Variants in NEMF observed in about 807,000 individuals in gnomAD.
NEMF encodes nuclear export mediator factor.
In NEMF, 89 loss-of-function variants were observed where a neutral mutation model predicts 162.2. That is an observed-to-expected ratio of 0.55 (90% CI 0.46 to 0.65). The LOEUF is 0.65. Among genes scored for constraint, NEMF ranks in the 30% least tolerant of loss-of-function variants. NEMF has a pLI of 0.00. For synonymous variants in NEMF, 421 were observed against 404.5 expected (o/e 1.04, Z -0.49); for missense variants, 1,133 against 1,261.9 (o/e 0.90, Z 1.55).
At chr14:49,842,036 C>T (rs1381965221) in intron 4 of NEMF, among the ~76,000 whole-genome samples, 1 of 150,516 alleles carries the variant, frequency 6.6e-6, no homozygotes, top group African/African-American at 2.4e-5. Flanking sequence ...ACCTGGGAGG[C>T]GGAGGTTGCT....
chr14:49,830,356 T>G (rs1312735133), intron 11 of NEMF, among the ~76,000 whole-genome samples: 2 of 152,222 alleles, frequency 1.3e-5, no homozygotes, highest in Non-Finnish European at 2.9e-5. Flanking sequence ...AACTAATTTT[T>G]AAAAACTGAA....
intron 26 of NEMF, 116 bp downstream of exon 26, chr14:49,795,675 G>T: frequency 1.1e-6 from 1 of 932,892 alleles, no homozygotes; most frequent in Non-Finnish European, 1.6e-6. Flanking sequence ...TTTAGTCAAA[G>T]GAAATCACAC....
Position 49,827,177 on chromosome 14 carries a change from T to C in NEMF, c.1488+1114A>G, listed in dbSNP as rs182602899. Among the ~76,000 whole-genome samples the C allele has an allele frequency of 3.6e-3, 551 of 152,234 alleles. 3 individuals carry two copies. Among genetic ancestry groups the C allele is most frequent in the African/African-American group, 0.012 (513 of 41,548 alleles). ...CTGGAAGAGAAAAAGGACTTCACTTTTGATTTATTTATTTTAATATATTTT... is the reference window on the plus strand; with the variant it reads ...CTGGAAGAGAAAAAGGACTTCACTTCTGATTTATTTATTTTAATATATTTT... On this transcript the variant is annotated intron_variant, in intron 15 of 32. Transcript: ENST00000298310.
In NEMF at chr14:49,812,900, C is replaced by T. The variant is rs577503145; in HGVS notation, c.1744+1088G>A. ...AAGCGATTCTCCTGCCTCAGCCTCCCGAGTAGCTGGGACTACAGGCGTGTG... is the reference window on the plus strand; with the variant it reads ...AAGCGATTCTCCTGCCTCAGCCTCCTGAGTAGCTGGGACTACAGGCGTGTG... On this transcript the variant is annotated intron_variant, in intron 18 of 32. Transcript: ENST00000298310. Among the ~76,000 whole-genome samples, 13 of 152,126 alleles carry T rather than the reference C, an allele frequency of 8.5e-5. No individual in the cohort carries two copies. In the East Asian group the frequency reaches 2.1e-3, roughly 25 times the overall value.
At chr14:49,812,906 G>A (rs938525453) in intron 18 of NEMF, among the ~76,000 whole-genome samples, 8 of 152,006 alleles carry the variant, frequency 5.3e-5, no homozygotes, top group African/African-American at 1.7e-4. Flanking sequence ...CTCCCGAGTA[G>A]CTGGGACTAC....
chr14:49,800,691 C>G lies in NEMF; in HGVS notation c.2101G>C (p.Gly701Arg), dbSNP rs749840942. The G allele has an allele frequency of 3.1e-6, 5 of 1,612,200 alleles. No individual in the cohort carries two copies. The South Asian group carries it at 5.5e-5, about 18-fold the overall frequency. The change falls in exon 23 of 33, where the codon GGT (glycine) becomes CGT (arginine). Residue 701 changes from glycine to arginine, a missense_variant. Gly to Arg is a moderately radical substitution (Grantham distance 125). Coordinates refer to ENST00000298310, the MANE Select transcript of NEMF (RefSeq NM_004713.6). Reference protein sequence around the residue: ...ISEEMEQLDGGDTSSDEDKEE... With the variant: ...ISEEMEQLDGRDTSSDEDKEE... ...TTATCCTCATCACTGCTCGTGTCACCTCCATCTGTAGAATTATCATAAGGA... is the reference window on the plus strand; with the variant it reads ...TTATCCTCATCACTGCTCGTGTCACGTCCATCTGTAGAATTATCATAAGGA...
In NEMF at chr14:49,844,739, A is replaced by G. The variant is rs1400542538; in HGVS notation, c.357+1401T>C. On this transcript the variant is annotated intron_variant, in intron 4 of 32. Coordinates refer to ENST00000298310, the MANE Select transcript of NEMF (RefSeq NM_004713.6). The stretch of plus-strand genomic sequence containing the variant: ...TACACACGCACGCGCACGCGCGCGC[A>G]CACACACACACACACACACACACAC... 3.0e-4 allele frequency: 46 copies of G among 154,954 alleles called. 1 individual carries two copies. Among genetic ancestry groups the G allele is most frequent in the East Asian group, 1.1e-3 (10 of 8,912 alleles). 9.6% of individuals were successfully genotyped at this position (154,954 alleles called of 1,614,324 possible).
chr14:49,790,114 T>C (rs1327470812), intron 26 of NEMF, among the ~76,000 whole-genome samples: 1 of 152,202 alleles, frequency 6.6e-6, no homozygotes, highest in African/African-American at 2.4e-5. Flanking sequence ...CTGTGTTAAC[T>C]GGGACTGAAA....
intron 6 of NEMF, among the ~76,000 whole-genome samples, chr14:49,834,917 G>C (rs1398400105): frequency 1.3e-5 from 2 of 152,188 alleles, no homozygotes; most frequent in Non-Finnish European, 2.9e-5. Context: ...CTAGTTCTTA[G>C]ACTGGGTGCG....
chr14:49,836,353 T>A (rs187828140), intron 6 of NEMF, among the ~76,000 whole-genome samples: 2 of 152,246 alleles, frequency 1.3e-5, no homozygotes, highest in Admixed American at 1.3e-4. Flanking sequence ...CAACTCTAAA[T>A]TTTATAAGGA....
At chr14:49,834,489 A>C in intron 6 of NEMF, 40 bp from the exon 7 acceptor site, 1 of 1,380,112 alleles carries the variant, frequency 7.2e-7, no homozygotes, top group Non-Finnish European at 1.0e-6. Flanking sequence ...ATTTTCCTAT[A>C]AATTCTTTTT....
At position 49,784,560 on chromosome 14, in the gene NEMF, C is replaced by A. The variant is rs1241354306; in HGVS notation, c.*76G>T. ...TTTTTATAATGCGGAAATCCTGATA[C>A]ATGGTGCTTTCATCTTTGAACTTCC... On this transcript the variant is annotated 3_prime_UTR_variant, in exon 33 of 33. Transcript: ENST00000298310. 6.2e-6 allele frequency: 6 copies of A among 960,958 alleles called. No individual in the cohort carries two copies. The highest frequency in any genetic ancestry group is 9.8e-6 in the Non-Finnish European group (6 of 611,702). 59.5% of individuals were successfully genotyped at this position (960,958 alleles called of 1,614,324 possible).
intron 5 of NEMF, among the ~76,000 whole-genome samples, chr14:49,840,334 C>G (rs1893134472): frequency 6.6e-6 from 1 of 152,158 alleles, no homozygotes; most frequent in Non-Finnish European, 1.5e-5. Context: ...TGGTGGCGCA[C>G]GCCTATAGTC....
Position 49,825,950 on chromosome 14 carries a change from G to A in NEMF, c.1494C>T (p.Phe498=). The part of the protein sequence containing the change: ...QKTVEAAEKA[F]KSAEKKTKQT... The stretch of plus-strand genomic sequence containing the variant: ...GCTTTGTTTTCTTTTCTGCTGACTT[G>A]AATGCCTATTTATAGAAAAGAGTTT... The change falls in exon 16 of 33, where the codon TTC becomes TTT. Residue 498 remains phenylalanine (F), a synonymous_variant. Coordinates refer to ENST00000298310, the MANE Select transcript of NEMF (RefSeq NM_004713.6). 3 of 1,599,398 alleles carry A rather than the reference G, an allele frequency of 1.9e-6. No individual in the cohort carries two copies. The highest frequency in any genetic ancestry group is 2.6e-6 in the Non-Finnish European group (3 of 1,167,988).
At position 49,782,111 on chromosome 14, in the gene NEMF, A is replaced by C; in HGVS notation, c.*2525T>G. ...CATACGATTTTTATTGCTAACAAAG[A>C]CCTAGAGAACAGATCGTTCAGTTCA... On this transcript the variant is annotated 3_prime_UTR_variant, in exon 33 of 33. Transcript: ENST00000298310. 1 of 410,282 alleles carries C rather than the reference A, an allele frequency of 2.4e-6. No homozygotes were observed. Among genetic ancestry groups the C allele is most frequent in the Non-Finnish European group, 4.3e-6 (1 of 231,662 alleles). 25.4% of individuals were successfully genotyped at this position (410,282 alleles called of 1,614,324 possible).
intron 6 of NEMF, among the ~76,000 whole-genome samples, chr14:49,835,569 T>C (rs1359559513): frequency 6.6e-6 from 1 of 152,184 alleles, no homozygotes; most frequent in African/African-American, 2.4e-5. Context: ...TAATTACTGG[T>C]GAAGGACTGA....
intron 8 of NEMF, 28 bp downstream of exon 8, chr14:49,833,395 A>G: frequency 7.2e-7 from 1 of 1,381,266 alleles, no homozygotes; most frequent in Non-Finnish European, 1.0e-6. Flanking sequence ...AAATCACAAC[A>G]ATATATAGTA....
chr14:49,852,372 G>A (rs944342143), intron 1 of NEMF, among the ~76,000 whole-genome samples: 4 of 152,176 alleles, frequency 2.6e-5, no homozygotes, highest in Non-Finnish European at 4.4e-5. Flanking sequence ...TGAAGCAAAC[G>A]ACCACTCTGG....
chr14:49,799,207 C>CAAAAAAAAAAAAAAAAA (rs780442972), intron 25 of NEMF, among the ~76,000 whole-genome samples: 3 of 59,062 alleles, frequency 5.1e-5, no homozygotes, highest in Non-Finnish European at 8.3e-5. Flanking sequence ...GACCCTGTTT[C>CAAAAAAAAAAAAAAAAA]AAAAAAAAAA....
Sources: allele counts gnomAD v4.1 joint callset (sites outside exome capture counted in the v4.1 genomes callset), GRCh38; gene constraint gnomAD v4.1.1; transcripts MANE v1.5; gene names NCBI Gene and HGNC (gene_info 2026-07-23, HGNC 2026-07-21).